Variants in TMC4 observed in about 807,000 individuals in gnomAD.
The protein encoded by TMC4 is transmembrane channel like 4.
A neutral mutation model predicts 82.0 loss-of-function variants in TMC4; 70 were observed. That is an observed-to-expected ratio of 0.85 (90% CI 0.70 to 1.04). TMC4 has a LOEUF of 1.04. TMC4 is among the 50% of genes least tolerant of loss of function. The pLI, the probability that TMC4 is intolerant of heterozygous loss-of-function variation, is 0.00. For missense variants in TMC4, 879 were observed against 899.0 expected (o/e 0.98, Z 0.28); for synonymous variants, 446 against 406.0 (o/e 1.10, Z -1.18).
rs1491093859 is a variant in TMC4, at chr19:54,161,337, T to TTG, written c.1687-78_1687-77insCA. On this transcript the variant is annotated intron_variant, in intron 11 of 14. Coordinates refer to ENST00000619895, the MANE Select transcript of TMC4 (RefSeq NM_144686.4). ...CTCCATTTTTTTTTTTTTTTTTTTT[T>TTG]GAGACAGAGTCTCGCTCTGTCGCCC... 1.5e-5 allele frequency: 16 copies of TTG among 1,035,790 alleles called. No homozygotes were observed. In the African/African-American group the frequency reaches 3.0e-4, roughly 20 times the overall value. 64.2% of individuals were successfully genotyped at this position (1,035,790 alleles called of 1,614,324 possible). A position where few individuals can be genotyped will look rare whatever the true frequency, so the allele number is the denominator to read the frequency against.
rs1279073271 is a variant in TMC4, at chr19:54,163,104, G to C, written c.1333C>G (p.Gln445Glu). ...LVVLLFSLWN[Q>E]ITCGGDSEAE... is the part of the protein sequence containing the mutation. ...TCGGAGTCGCCCCCACAAGTGATCT[G>C]ATTCCAGAGAGAGAAGAGCAGGACC... The change falls in exon 9 of 15, where the codon CAG becomes GAG. Residue 445 changes from glutamine to glutamate, a missense_variant. Coordinates refer to ENST00000619895, the MANE Select transcript of TMC4 (RefSeq NM_144686.4). The C allele has an allele frequency of 1.2e-6, 2 of 1,613,886 alleles. No homozygotes were observed. The highest frequency in any genetic ancestry group is 8.5e-7 in the Non-Finnish European group (1 of 1,179,980).
Position 54,162,293 on chromosome 19 carries a change from A to G in TMC4, c.1503-8T>C, listed in dbSNP as rs761063744. The G allele has an allele frequency of 6.6e-7, 1 of 1,504,948 alleles. No individual in the cohort carries two copies. The highest frequency in any genetic ancestry group is 8.9e-7 in the Non-Finnish European group (1 of 1,126,800). 93.2% of individuals were successfully genotyped at this position (1,504,948 alleles called of 1,614,324 possible). A position where few individuals can be genotyped will look rare whatever the true frequency, so the allele number is the denominator to read the frequency against. On this transcript the variant is annotated splice_region_variant and splice_polypyrimidine_tract_variant and intron_variant, in intron 10 of 14. Transcript: ENST00000619895. Reference sequence around the variant, plus strand: ...CAGAGGCCACAGAGGAGCCTGAAGGACGGGGCGGGGCCGGGCCGGAGTCAG... The same window carrying G: ...CAGAGGCCACAGAGGAGCCTGAAGGGCGGGGCGGGGCCGGGCCGGAGTCAG...
In TMC4 at chr19:54,165,668, AG is replaced by A. The variant is rs2075686711; in HGVS notation, c.798-103del. On this transcript the variant is annotated intron_variant, in intron 5 of 14. Coordinates refer to ENST00000619895, the MANE Select transcript of TMC4 (RefSeq NM_144686.4). The stretch of plus-strand genomic sequence containing the variant: ...GGACAAATGGGGAAGATGAACCCTA[AG>A]GCCTTGGGTACTAGGCGAGTTCCCA... The A allele has an allele frequency of 2.2e-6, 3 of 1,384,288 alleles. No homozygotes were observed. The African/African-American group carries it at 4.3e-5, about 20-fold the overall frequency. 85.8% of individuals were successfully genotyped at this position (1,384,288 alleles called of 1,614,324 possible). A position where few individuals can be genotyped will look rare whatever the true frequency, so the allele number is the denominator to read the frequency against.
intron 2 of TMC4, among the ~76,000 whole-genome samples, chr19:54,171,102 TGCATATATATAC>T (rs2146926413): frequency 7.1e-5 from 2 of 28,168 alleles, no homozygotes; most frequent in Admixed American, 3.7e-4. Context: ...TACACACATA[TGCATATATATAC>T]GCATATATAT....
At chr19:54,170,607 GTTTGT>G (rs1231958712) in intron 2 of TMC4, among the ~76,000 whole-genome samples, 19,071 of 104,196 alleles carry the variant, frequency 0.18, 1,266 homozygotes, top group South Asian at 0.26. Flanking sequence ...ATCCTCCTGT[GTTTGT>G]TTTATTTTAT....
At chr19:54,171,257 C>T (rs997346551) in intron 2 of TMC4, among the ~76,000 whole-genome samples, 8 of 152,002 alleles carry the variant, frequency 5.3e-5, no homozygotes, top group Non-Finnish European at 7.4e-5. Context: ...TACAGGCACC[C>T]GCCACCACAC....
intron 5 of TMC4, 26 bp downstream of exon 5, chr19:54,168,145 G>A (rs2146900680): frequency 6.3e-7 from 1 of 1,591,140 alleles, no homozygotes; most frequent in Non-Finnish European, 8.6e-7. Flanking sequence ...GTCCCGTCAG[G>A]GGTCAGGGGT....
chr19:54,171,813 T>C, intron 2 of TMC4, 57 bp downstream of exon 2: 7 of 1,469,274 alleles, frequency 4.8e-6, no homozygotes, highest in Non-Finnish European at 6.4e-6. Context: ...GAGTCCAGGG[T>C]ATGGGAGAAG....
chr19:54,163,892 G>T lies in TMC4; in HGVS notation c.1114-5C>A. The T allele has an allele frequency of 2.5e-6, 4 of 1,613,978 alleles. No individual in the cohort carries two copies. The South Asian group carries it at 4.4e-5, about 18-fold the overall frequency. On this transcript the variant is annotated splice_region_variant and splice_polypyrimidine_tract_variant and intron_variant, in intron 7 of 14. Transcript: ENST00000619895. ...CTCCTGGACAAGGGGCATCTCCTGG[G>T]AGCGGGATGGACCATGAGTAGAGGC... is the stretch of plus-strand genomic sequence containing the variant.
intron 13 of TMC4, 153 bp downstream of exon 13, chr19:54,160,725 C>A: frequency 7.1e-7 from 1 of 1,410,160 alleles, no homozygotes; most frequent in African/African-American, 1.4e-5. Flanking sequence ...CCACCTCCTC[C>A]TTCGGACCCA....
At position 54,169,515 on chromosome 19, in the gene TMC4, CG is replaced by C. The variant is rs775489317; in HGVS notation, c.438del (p.Ile146MetfsTer33). ...LQPWAWTLKR[I>X]GGQFGAGTES... is the part of the protein sequence containing the mutation. ...CACCACCCAAACCCCACCGCACCCC[CG>C]ATCCTCTTCAGTGTCCACGCCCAGG... is the stretch of plus-strand genomic sequence containing the variant. On this transcript the variant is annotated frameshift_variant, in exon 3 of 15. Coordinates refer to ENST00000619895, the MANE Select transcript of TMC4 (RefSeq NM_144686.4). LOFTEE classifies it high-confidence loss of function. 11 of 1,612,152 alleles carry C rather than the reference CG, an allele frequency of 6.8e-6. No individual in the cohort carries two copies. The South Asian group carries it at 9.9e-5, about 15-fold the overall frequency.
intron 5 of TMC4, among the ~76,000 whole-genome samples, chr19:54,167,819 G>T (rs1242418961): frequency 1.3e-5 from 2 of 151,536 alleles, no homozygotes; most frequent in African/African-American, 4.8e-5. Context: ...TCCCAGCACT[G>T]TGGGAGGCCG....
chr19:54,164,362 C>T, intron 7 of TMC4, 72 bp downstream of exon 7: 1 of 1,521,720 alleles, frequency 6.6e-7, no homozygotes, highest in Non-Finnish European at 8.9e-7. Context: ...CCCAAACTTC[C>T]GTCCCCTCCC....
chr19:54,169,578 T>G lies in TMC4; in HGVS notation c.376A>C (p.Lys126Gln). The stretch of plus-strand genomic sequence containing the variant: ...CGCAAGCCTTCCTTTGTTTTCTCCT[T>G]GGACCTCCGAAGTAGCCGCGCCCAT... ...DRWARLLRRS[K>Q]EKTKEGLRSL... The change falls in exon 3 of 15, where the codon AAG becomes CAG. Residue 126 changes from lysine to glutamine, a missense_variant. Physicochemically the swap from Lys to Gln is moderately conservative, Grantham distance 53. Coordinates refer to ENST00000619895, the MANE Select transcript of TMC4 (RefSeq NM_144686.4). The G allele has an allele frequency of 6.2e-7, 1 of 1,614,020 alleles. No individual in the cohort carries two copies. The highest frequency in any genetic ancestry group is 8.5e-7 in the Non-Finnish European group (1 of 1,180,020).
intron 8 of TMC4, 71 bp downstream of exon 8, chr19:54,163,646 GTCTTACC>G: frequency 6.5e-7 from 1 of 1,534,456 alleles, no homozygotes; most frequent in Non-Finnish European, 9.0e-7. Context: ...GGATTTCCGT[GTCTTACC>G]TGTCAGCGCC....
chr19:54,165,589 C>T (rs199951393), intron 5 of TMC4, 23 bp from the exon 6 acceptor site: 125 of 1,586,522 alleles, frequency 7.9e-5, no homozygotes, highest in Middle Eastern at 1.8e-4. Flanking sequence ...ACCCGGGAGA[C>T]GGGAAGTGAA....
intron 5 of TMC4, among the ~76,000 whole-genome samples, chr19:54,167,650 C>T (rs1290659825): frequency 2.0e-5 from 3 of 149,624 alleles, no homozygotes; most frequent in Non-Finnish European, 4.5e-5. Flanking sequence ...TCTCTGTCGC[C>T]CAGGCTGGAG....
chr19:54,165,622 A>T, intron 5 of TMC4, 56 bp from the exon 6 acceptor site: 1 of 1,557,636 alleles, frequency 6.4e-7, no homozygotes, highest in Non-Finnish European at 8.7e-7. Context: ...AACGGGGGTT[A>T]TGGGGAGACC....
rs1037832176 is a variant in TMC4, at chr19:54,168,670, G to A, written c.453C>T (p.Gly151=). The change falls in exon 4 of 15, where the codon GGC becomes GGT. Residue 151 remains glycine (G), a synonymous_variant. Transcript: ENST00000619895. The part of the protein sequence containing the change: ...WTLKRIGGQF[G]AGTESYFSLL... ...GGGAGAAGTAGGACTCCGTGCCGGC[G>A]CCAAACTGGCCTGCAGGGGGCAGCA... The A allele has an allele frequency of 9.8e-6, 15 of 1,536,986 alleles. No homozygotes were observed. Among genetic ancestry groups the A allele is most frequent in the Admixed American group, 8.0e-5 (4 of 49,718 alleles).
Sources: gnomAD v4.1 joint callset for allele counts (sites outside exome capture counted in the v4.1 genomes callset) on GRCh38, gnomAD v4.1.1 for gene constraint, MANE v1.5 for transcripts, NCBI Gene and HGNC (gene_info 2026-07-23, HGNC 2026-07-21) for gene names.